MCC: variants seen among roughly 807,000 people sequenced by gnomAD.
The protein encoded by MCC is MCC regulator of Wnt signaling pathway, also known as colorectal mutant cancer protein.
MCC carries 90 observed loss-of-function variants against 116.2 expected under a neutral mutation model. The observed-to-expected ratio is 0.77, with a 90% CI of 0.65 to 0.92. The LOEUF (loss-of-function observed/expected upper bound fraction) is 0.92, where lower values mean the gene tolerates loss of function less well. Among genes scored for constraint, MCC ranks in the 40% least tolerant of loss-of-function variants. The probability of loss-of-function intolerance (pLI) is 0.00; values close to 1 mark genes in which losing one functional copy is unlikely to be tolerated. For missense variants in MCC, 1,516 were observed against 1,312.2 expected (o/e 1.16, Z -2.40); for synonymous variants, 578 against 510.5 (o/e 1.13, Z -1.78).
chr5:113,124,633 A>G (rs1298854479), intron 5 of MCC, among the ~76,000 whole-genome samples: 1 of 152,258 alleles, frequency 6.6e-6, no homozygotes, highest in Non-Finnish European at 1.5e-5. Flanking sequence ...GATGAACTTT[A>G]TAAAGCAGTG....
intron 8 of MCC, among the ~76,000 whole-genome samples, chr5:113,097,683 T>C (rs189054818): frequency 2.0e-5 from 3 of 152,260 alleles, no homozygotes; most frequent in South Asian, 2.1e-4. Context: ...AGGGAAAACA[T>C]AGATGTCTCT....
At chr5:113,400,630 T>G (rs1437655149) in intron 1 of MCC, among the ~76,000 whole-genome samples, 1 of 152,258 alleles carries the variant, frequency 6.6e-6, no homozygotes, top group Non-Finnish European at 1.5e-5. Context: ...ATTCAGAGGC[T>G]ATACAAAGTA....
intron 11 of MCC, among the ~76,000 whole-genome samples, chr5:113,078,304 A>T (rs1754602737): frequency 1.3e-5 from 2 of 152,250 alleles, no homozygotes; most frequent in African/African-American, 4.8e-5. Context: ...CATTCATTTT[A>T]TGAGGCCAGC....
intron 3 of MCC, among the ~76,000 whole-genome samples, chr5:113,292,829 T>G (rs978912185): frequency 6.6e-6 from 1 of 152,198 alleles, no homozygotes; most frequent in African/African-American, 2.4e-5. Flanking sequence ...TTTGGGGTTT[T>G]CAATGACCTT....
chr5:113,213,227 T>C (rs766392636), intron 3 of MCC, among the ~76,000 whole-genome samples: 40 of 152,258 alleles, frequency 2.6e-4, no homozygotes, highest in Middle Eastern at 3.4e-3. Flanking sequence ...AGTATGCTCA[T>C]AGAACTAGGA....
Position 113,434,869 on chromosome 5 carries a change from C to T in MCC, c.171-49657G>A, listed in dbSNP as rs1268644203. 6.9e-6 allele frequency: 11 copies of T among 1,587,238 alleles called. No homozygotes were observed. Among genetic ancestry groups the T allele is most frequent in the Non-Finnish European group, 9.4e-6 (11 of 1,164,848 alleles). ...CCAGGAATGCCCAGTGCCTCTGAGG[C>T]TGCCCTCTACAGCCCCGAGGCGCAT... On this transcript the variant is annotated intron_variant, in intron 1 of 18. Coordinates refer to ENST00000408903, the MANE Select transcript of MCC (RefSeq NM_001085377.2). This position sits in a 1 kb window ranked among gnomAD's most constrained non-coding sequence, Gnocchi z 4.2.
chr5:113,295,172 T>TAAA (rs112353235), intron 3 of MCC, among the ~76,000 whole-genome samples: 7 of 132,142 alleles, frequency 5.3e-5, no homozygotes, highest in African/African-American at 1.1e-4. Flanking sequence ...TGCAGGAAAT[T>TAAA]AAAAAAAAAA....
At chr5:113,071,362 C>A in intron 11 of MCC, 128 bp from the exon 12 acceptor site, 1 of 919,620 alleles carries the variant, frequency 1.1e-6, no homozygotes, top group Non-Finnish European at 1.7e-6. Flanking sequence ...GTAGCTGACA[C>A]AGTATTTTGT....
intron 3 of MCC, among the ~76,000 whole-genome samples, chr5:113,325,087 G>A (rs866839746): frequency 4.2e-4 from 64 of 151,924 alleles, no homozygotes; most frequent in African/African-American, 1.5e-3. Context: ...CGATCCTCCT[G>A]CCTTGGCCTC....
intron 2 of MCC, among the ~76,000 whole-genome samples, chr5:113,366,934 T>C (rs1226248921): frequency 6.6e-6 from 1 of 152,134 alleles, no homozygotes; most frequent in Non-Finnish European, 1.5e-5. Context: ...CCCAAGTAGC[T>C]GGGACCACAG....
Position 113,044,809 on chromosome 5 carries a change from G to A in MCC, c.2656-1179C>T, listed in dbSNP as rs576876261. 2.6e-5 allele frequency among the ~76,000 whole-genome samples: 4 copies of A among 152,264 alleles called. 1 individual carries two copies. Among genetic ancestry groups the A allele is most frequent in the South Asian group, 4.1e-4 (2 of 4,828 alleles). On this transcript the variant is annotated intron_variant, in intron 16 of 18. Transcript: ENST00000408903. The stretch of plus-strand genomic sequence containing the variant: ...GGCTGGTCTCAAACTCCTGACCTCA[G>A]GTAATCCACCCACCTTGGCCTCCCA...
chr5:113,354,269 T>G (rs762481958), intron 2 of MCC, among the ~76,000 whole-genome samples: 8 of 152,160 alleles, frequency 5.3e-5, no homozygotes, highest in Non-Finnish European at 1.0e-4. Flanking sequence ...CCAGATATAG[T>G]CATATAGCCC....
chr5:113,211,664 T>C (rs1289372789), intron 3 of MCC, among the ~76,000 whole-genome samples: 1 of 152,220 alleles, frequency 6.6e-6, no homozygotes, highest in Non-Finnish European at 1.5e-5. Flanking sequence ...TTTATATAAA[T>C]AGCAGAATTT....
intron 2 of MCC, among the ~76,000 whole-genome samples, chr5:113,372,103 T>C (rs1768850094): frequency 1.3e-5 from 2 of 152,210 alleles, no homozygotes; most frequent in Non-Finnish European, 2.9e-5. Context: ...AATTTCATTG[T>C]GTTATGTGTG....
At chr5:113,256,019 C>G (rs568941287) in intron 3 of MCC, among the ~76,000 whole-genome samples, 1 of 152,214 alleles carries the variant, frequency 6.6e-6, no homozygotes, top group Non-Finnish European at 1.5e-5. Context: ...AACAATGGCA[C>G]AGATGAGCCA....
At position 113,481,575 on chromosome 5, in the gene MCC, A is replaced by G. The variant is rs541547794; in HGVS notation, c.170+6670T>C. ...AACATGGTGAAACCCCGTCTCTACTAAAAATACAAAAAAATTAGCTGGGCG... is the reference window on the plus strand; with the variant it reads ...AACATGGTGAAACCCCGTCTCTACTGAAAATACAAAAAAATTAGCTGGGCG... On this transcript the variant is annotated intron_variant, in intron 1 of 18. Transcript: ENST00000408903. 5.9e-5 allele frequency among the ~76,000 whole-genome samples: 9 copies of G among 151,942 alleles called. No homozygotes were observed. In the South Asian group the frequency reaches 1.0e-3, roughly 18 times the overall value.
At chr5:113,194,874 C>T (rs1762322800) in intron 3 of MCC, among the ~76,000 whole-genome samples, 1 of 152,140 alleles carries the variant, frequency 6.6e-6, no homozygotes, top group Non-Finnish European at 1.5e-5. Context: ...ACGCAATAAA[C>T]CAAGGCCAAA....
intron 5 of MCC, among the ~76,000 whole-genome samples, chr5:113,134,675 C>T (rs912930786): frequency 2.1e-5 from 3 of 145,312 alleles, no homozygotes; most frequent in Non-Finnish European, 3.0e-5. Context: ...CTATAGATCA[C>T]TTTGGGTAGT....
intron 3 of MCC, among the ~76,000 whole-genome samples, chr5:113,302,845 G>A (rs757575629): frequency 6.6e-6 from 1 of 152,238 alleles, no homozygotes; most frequent in Non-Finnish European, 1.5e-5. Flanking sequence ...AAACTGGGTT[G>A]AAGTGCCATA....
Sources: gnomAD v4.1 joint callset for allele counts (sites outside exome capture counted in the v4.1 genomes callset) on GRCh38, gnomAD v4.1.1 for gene constraint, Gnocchi (gnomAD v3.1) non-coding constraint, MANE v1.5 for transcripts, NCBI Gene and HGNC (gene_info 2026-07-23, HGNC 2026-07-21) for gene names.